The following PLPP3 variants were observed in gnomAD, a reference collection of about 807,000 sequenced individuals.
The protein encoded by PLPP3 is phospholipid phosphatase 3.
In PLPP3, 6 loss-of-function variants were observed where a neutral mutation model predicts 29.6. That is an observed-to-expected ratio of 0.20 (90% confidence interval 0.11 to 0.40). The LOEUF (loss-of-function observed/expected upper bound fraction) is 0.40. PLPP3 is among the 10% of genes least tolerant of loss of function. The pLI is 1.00. For missense variants in PLPP3, 308 were observed against 407.7 expected (o/e 0.76, Z 2.11); for synonymous variants, 152 against 159.7 (o/e 0.95, Z 0.36).
rs138145826 is a variant in PLPP3, at chr1:56,495,069, G to A, written c.*1482C>T. On this transcript the variant is annotated 3_prime_UTR_variant, in exon 6 of 6. Coordinates refer to ENST00000371250, the MANE Select transcript of PLPP3 (RefSeq NM_003713.5). ...CGAGACACAGTTTATAATCATAGTGGATATAGCTAAATTGTTTCAGAAATA... is the reference window on the plus strand; with the variant it reads ...CGAGACACAGTTTATAATCATAGTGAATATAGCTAAATTGTTTCAGAAATA... 1.3e-5 allele frequency: 2 copies of A among 152,512 alleles called. No individual in the cohort carries two copies. Among genetic ancestry groups the A allele is most frequent in the East Asian group, 3.9e-4 (2 of 5,176 alleles). The allele number at this position is 152,512 out of a possible 1,614,324, so 9.4% of individuals were successfully genotyped here.
At chr1:56,550,603 G>A (rs1293052318) in intron 1 of PLPP3, among the ~76,000 whole-genome samples, 4 of 152,082 alleles carry the variant, frequency 2.6e-5, no homozygotes, top group Non-Finnish European at 4.4e-5. Flanking sequence ...GGGTTGCGAA[G>A]CCCAAGGGGG....
chr1:56,564,607 T>C (rs1025689973), intron 1 of PLPP3, among the ~76,000 whole-genome samples: 1 of 152,212 alleles, frequency 6.6e-6, no homozygotes, highest in Admixed American at 6.5e-5. Context: ...ACTCCATTAA[T>C]AGCCTTAGGA....
At chr1:56,542,630 T>A (rs535248969) in intron 1 of PLPP3, among the ~76,000 whole-genome samples, 3 of 152,116 alleles carry the variant, frequency 2.0e-5, no homozygotes, top group Non-Finnish European at 4.4e-5. Flanking sequence ...TAAACTAACA[T>A]CTGCAGAAAG....
At chr1:56,563,612 G>A (rs1023261463) in intron 1 of PLPP3, among the ~76,000 whole-genome samples, 8 of 152,208 alleles carry the variant, frequency 5.3e-5, no homozygotes, top group African/African-American at 1.7e-4. Context: ...CAAGTGACCA[G>A]CTCAAAGCAG....
chr1:56,535,496 G>T (rs982405692), intron 2 of PLPP3, among the ~76,000 whole-genome samples: 1 of 152,148 alleles, frequency 6.6e-6, no homozygotes. Context: ...GTATAATGAG[G>T]CCACAGCACA....
At chr1:56,514,392 T>C (rs1645767253) in intron 4 of PLPP3, among the ~76,000 whole-genome samples, 1 of 152,098 alleles carries the variant, frequency 6.6e-6, no homozygotes, top group Non-Finnish European at 1.5e-5. Context: ...TAGTTCAGTA[T>C]AGCTGGAGAA....
intron 1 of PLPP3, among the ~76,000 whole-genome samples, chr1:56,558,741 G>C (rs531026634): frequency 6.6e-6 from 1 of 152,158 alleles, no homozygotes; most frequent in African/African-American, 2.4e-5. Context: ...GGCCAGGATC[G>C]GAACCCAGAA....
In PLPP3 at chr1:56,578,941, G is replaced by GGTT. The variant is rs753318384; in HGVS notation, c.73_75dup (p.Asn25dup). On this transcript the variant is annotated inframe_insertion, in exon 1 of 6. Transcript: ENST00000371250. ...ACCCGCTTGCTGCCGCTCCTCCTCGGGTTGTTGTTGAGCGCCGGGCTGCCG... is the reference window on the plus strand; with the variant it reads ...ACCCGCTTGCTGCCGCTCCTCCTCGGGTTGTTGTTGTTGAGCGCCGGGCTGCCG... 2.5e-6 allele frequency: 4 copies of GGTT among 1,606,374 alleles called. No homozygotes were observed. Among genetic ancestry groups the GGTT allele is most frequent in the Non-Finnish European group, 3.4e-6 (4 of 1,177,156 alleles).
intron 4 of PLPP3, 85 bp downstream of exon 4, chr1:56,523,737 GC>G (rs1474860316): frequency 2.9e-6 from 4 of 1,396,138 alleles, no homozygotes; most frequent in Non-Finnish European, 3.0e-6. Flanking sequence ...GTGATGGCAT[GC>G]CCCTAAACTA....
At chr1:56,515,024 C>G (rs1016793308) in intron 4 of PLPP3, among the ~76,000 whole-genome samples, 1 of 152,308 alleles carries the variant, frequency 6.6e-6, no homozygotes, top group Admixed American at 6.5e-5. Context: ...TTGCAGTGTA[C>G]TCAGTATGTT....
intron 1 of PLPP3, 110 bp from the exon 2 acceptor site, chr1:56,537,222 G>T: frequency 1.7e-6 from 2 of 1,177,672 alleles, no homozygotes; most frequent in African/African-American, 1.5e-5. Flanking sequence ...AAATATCACT[G>T]AGAGTGATAA....
intron 1 of PLPP3, among the ~76,000 whole-genome samples, chr1:56,554,088 C>T (rs777836959): frequency 5.3e-5 from 8 of 151,128 alleles, no homozygotes; most frequent in Non-Finnish European, 8.8e-5. Flanking sequence ...TAATGAGACT[C>T]GAGTGGGTGA....
At chr1:56,554,920 GT>G (rs1352459534) in intron 1 of PLPP3, among the ~76,000 whole-genome samples, 1 of 152,128 alleles carries the variant, frequency 6.6e-6, no homozygotes, top group Non-Finnish European at 1.5e-5. Flanking sequence ...CTGTTTCACA[GT>G]ATTTTTCACT....
In PLPP3 at chr1:56,495,149, A is replaced by C. The variant is rs1356847695; in HGVS notation, c.*1402T>G. On this transcript the variant is annotated 3_prime_UTR_variant, in exon 6 of 6. Coordinates refer to ENST00000371250, the MANE Select transcript of PLPP3 (RefSeq NM_003713.5). The stretch of plus-strand genomic sequence containing the variant: ...TATACATTATTTATATAATATTTAT[A>C]TATAAAAATCATAGCTTGCTATAAG... 1 of 152,252 alleles carries C rather than the reference A, an allele frequency of 6.6e-6. No individual in the cohort carries two copies. Among genetic ancestry groups the C allele is most frequent in the Admixed American group, 6.6e-5 (1 of 15,258 alleles). 9.4% of individuals were successfully genotyped at this position (152,252 alleles called of 1,614,324 possible).
chr1:56,536,820 C>T, intron 2 of PLPP3, 135 bp downstream of exon 2: 1 of 1,111,276 alleles, frequency 9.0e-7, no homozygotes, highest in Non-Finnish European at 1.3e-6. Flanking sequence ...TAACTACCTT[C>T]CTTCTTGGCT....
chr1:56,552,296 G>A (rs1457570775), intron 1 of PLPP3, among the ~76,000 whole-genome samples: 9 of 151,620 alleles, frequency 5.9e-5, no homozygotes. Flanking sequence ...AGATCTACGT[G>A]ACCCGAATTT....
Position 56,524,509 on chromosome 1 carries a change from G to A in PLPP3, c.343C>T (p.Arg115Trp), listed in dbSNP as rs753280597. The change falls in exon 3 of 6, where the codon CGG becomes TGG. Residue 115 changes from arginine (R) to tryptophan (W), a missense_variant. Physicochemically the swap from Arg to Trp is moderately radical, Grantham distance 101. Transcript: ENST00000371250. This position sits in a 1 kb window ranked among gnomAD's most constrained non-coding sequence, Gnocchi z 4.3. ...FYRIYYLKKS[R>W]STIQNPYVAA... The stretch of plus-strand genomic sequence containing the variant: ...ACGTAGGGGTTCTGAATCGTCGACC[G>A]CGACTTCTTCAGGTAATAGATCCGG... 2.2e-5 allele frequency: 36 copies of A among 1,612,688 alleles called. No individual in the cohort carries two copies. The highest frequency in any genetic ancestry group is 5.5e-5 in the South Asian group (5 of 91,082).
intron 1 of PLPP3, among the ~76,000 whole-genome samples, chr1:56,570,791 G>C (rs1557517520): frequency 6.6e-6 from 1 of 152,084 alleles, no homozygotes; most frequent in African/African-American, 2.4e-5. Flanking sequence ...AAAACATGGA[G>C]TCTCTTTTTT....
At chr1:56,555,444 A>AC (rs1646069109) in intron 1 of PLPP3, among the ~76,000 whole-genome samples, 2 of 147,818 alleles carry the variant, frequency 1.4e-5, no homozygotes, top group Non-Finnish European at 3.0e-5. Context: ...AAAAAAAAAA[A>AC]AAAAAAAAAA....
Sources: gnomAD v4.1 joint callset for allele counts (sites outside exome capture counted in the v4.1 genomes callset) on GRCh38, gnomAD v4.1.1 for gene constraint, Gnocchi (gnomAD v3.1) non-coding constraint, MANE v1.5 for transcripts, NCBI Gene and HGNC (gene_info 2026-07-23, HGNC 2026-07-21) for gene names.